Variants in DAPP1 observed in about 807,000 individuals in gnomAD.
DAPP1 encodes the protein dual adapter for phosphotyrosine and 3-phosphotyrosine and 3-phosphoinositide.
Under a neutral mutation model 41.5 loss-of-function variants are expected in DAPP1, and 20 were observed. The ratio of observed to expected loss-of-function variants is 0.48; its 90% confidence interval spans 0.34 to 0.70. The LOEUF is 0.70. Among genes scored for constraint, DAPP1 ranks in the 30% least tolerant of loss-of-function variants. The probability of loss-of-function intolerance (pLI) is 0.01; values close to 1 mark genes in which losing one functional copy is unlikely to be tolerated. For synonymous variants in DAPP1, 113 were observed against 116.2 expected (o/e 0.97, Z 0.18); for missense variants, 233 against 333.4 (o/e 0.70, Z 2.35).
At chr4:99,848,499 G>C (rs558409666) in intron 3 of DAPP1, among the ~76,000 whole-genome samples, 162 of 152,106 alleles carry the variant, frequency 1.1e-3, no homozygotes, top group Non-Finnish European at 2.0e-3. Flanking sequence ...AAAGTGCTGG[G>C]ATTACAGGCA....
chr4:99,872,077 A>G (rs989881890), downstream of DAPP1, among the ~76,000 whole-genome samples: 2 of 152,226 alleles, frequency 1.3e-5, no homozygotes, highest in Non-Finnish European at 2.9e-5. Flanking sequence ...TAGTTTCAGG[A>G]GTACATGTGA....
At chr4:99,839,103 G>A (rs976633424) in intron 2 of DAPP1, among the ~76,000 whole-genome samples, 1 of 152,130 alleles carries the variant, frequency 6.6e-6, no homozygotes, top group Admixed American at 6.5e-5. Context: ...CTGTTCTAAA[G>A]GTGTGGTCCC....
intron 1 of DAPP1, among the ~76,000 whole-genome samples, chr4:99,826,819 C>T (rs1175909031): frequency 2.6e-5 from 4 of 152,190 alleles, no homozygotes; most frequent in African/African-American, 7.2e-5. Flanking sequence ...ATCATTCTCC[C>T]GCTCCATGAA....
intron 1 of DAPP1, among the ~76,000 whole-genome samples, chr4:99,826,129 A>G (rs1722928434): frequency 6.6e-6 from 1 of 152,226 alleles, no homozygotes. Context: ...TCTTTGTTCT[A>G]TCACTGTTGT....
At position 99,816,863 on chromosome 4, in the gene DAPP1, G is replaced by T; in HGVS notation, c.-51G>T. 2 of 1,502,918 alleles carry T rather than the reference G, an allele frequency of 1.3e-6. No individual in the cohort carries two copies. The highest frequency in any genetic ancestry group is 2.4e-5 in the East Asian group (1 of 40,894). The allele number at this position is 1,502,918 out of a possible 1,614,324, so 93.1% of individuals were successfully genotyped here. On this transcript the variant is annotated 5_prime_UTR_variant, in exon 1 of 9. Transcript: ENST00000512369. Reference sequence around the variant, plus strand: ...CTGCTGTCTCACAGAGCGAGAAGGTGTCAGGAGCAGCCCAGTTGTGTCTCT... The same window carrying T: ...CTGCTGTCTCACAGAGCGAGAAGGTTTCAGGAGCAGCCCAGTTGTGTCTCT...
At chr4:99,825,180 C>T (rs140960927) in intron 1 of DAPP1, among the ~76,000 whole-genome samples, 15 of 152,168 alleles carry the variant, frequency 9.9e-5, no homozygotes, top group East Asian at 9.6e-4. Flanking sequence ...TGTGAGCTGG[C>T]GAGTCTATCT....
chr4:99,860,935 T>C (rs547678747), intron 4 of DAPP1, among the ~76,000 whole-genome samples: 118 of 152,334 alleles, frequency 7.7e-4, no homozygotes, highest in Non-Finnish European at 1.2e-3. Context: ...ATTTTTACGT[T>C]TGAATTAATG....
chr4:99,827,101 A>C (rs1722959478), intron 1 of DAPP1, among the ~76,000 whole-genome samples: 1 of 151,942 alleles, frequency 6.6e-6, no homozygotes, highest in Non-Finnish European at 1.5e-5. Flanking sequence ...TGCTCCTCAA[A>C]CTCTAAAGTG....
chr4:99,849,499 C>G (rs747409391), intron 3 of DAPP1, among the ~76,000 whole-genome samples: 1 of 152,166 alleles, frequency 6.6e-6, no homozygotes, highest in Admixed American at 6.5e-5. Flanking sequence ...GTTGGAAATG[C>G]ACACGTTGGA....
chr4:99,821,460 A>G (rs79140816), intron 1 of DAPP1, among the ~76,000 whole-genome samples: 1,750 of 152,338 alleles, frequency 0.011, 41 homozygotes, highest in African/African-American at 0.039. Context: ...AGTAATGGCA[A>G]TTAGTAATTA....
chr4:99,841,217 A>T lies in DAPP1; in HGVS notation c.358+795A>T, dbSNP rs144331394. Among the ~76,000 whole-genome samples, 13 of 152,328 alleles carry T rather than the reference A, an allele frequency of 8.5e-5. No homozygotes were observed. In the East Asian group the frequency reaches 2.1e-3, roughly 25 times the overall value. ...ACACAACCAGTTACCATGAGTTTGT[A>T]CATACGTGTTTTCTTGGCAAACTTG... On this transcript the variant is annotated intron_variant, in intron 3 of 8. Transcript: ENST00000512369.
At position 99,816,907 on chromosome 4, in the gene DAPP1, G is replaced by A. The variant is rs1722604063; in HGVS notation, c.-7G>A. On this transcript the variant is annotated 5_prime_UTR_variant, in exon 1 of 9. Transcript: ENST00000512369. ...TGTCTCTCTCTCTACCTCTGTGAAG[G>A]GCGCGAATGGGCAGAGCAGAACTTC... 2 of 1,602,428 alleles carry A rather than the reference G, an allele frequency of 1.2e-6. No homozygotes were observed. The highest frequency in any genetic ancestry group is 2.3e-5 in the East Asian group (1 of 44,270).
At chr4:99,856,054 C>A (rs1024428990) in intron 4 of DAPP1, among the ~76,000 whole-genome samples, 2 of 152,118 alleles carry the variant, frequency 1.3e-5, no homozygotes, top group Non-Finnish European at 2.9e-5. Context: ...CATTGAGTTC[C>A]CATGATAGGA....
At chr4:99,870,648 C>T (rs767652), downstream of DAPP1, among the ~76,000 whole-genome samples, 10,844 of 152,162 alleles carry the variant, frequency 0.071, 470 homozygotes, top group Middle Eastern at 0.12. Flanking sequence ...TTTGTGCCAA[C>T]GGCAGATCAG....
intron 2 of DAPP1, among the ~76,000 whole-genome samples, chr4:99,837,267 G>T (rs58699064): frequency 0.045 from 6,906 of 152,212 alleles, 313 homozygotes; most frequent in East Asian, 0.24. Flanking sequence ...ACTAGTTTTT[G>T]ATTGAATAAT....
intron 1 of DAPP1, among the ~76,000 whole-genome samples, chr4:99,824,529 AT>A (rs558955651): frequency 6.6e-6 from 1 of 151,970 alleles, no homozygotes; most frequent in East Asian, 1.9e-4. Flanking sequence ...ATCTGCCTGT[AT>A]TTTTTTTACA....
At chr4:99,848,526 G>T (rs1267751232) in intron 3 of DAPP1, among the ~76,000 whole-genome samples, 2 of 152,166 alleles carry the variant, frequency 1.3e-5, no homozygotes, top group East Asian at 3.8e-4. Context: ...ACCGCGCCCT[G>T]CCCAGGAGCA....
At chr4:99,830,764 TTC>T (rs924587543) in intron 1 of DAPP1, among the ~76,000 whole-genome samples, 1 of 151,280 alleles carries the variant, frequency 6.6e-6, no homozygotes, top group Non-Finnish European at 1.5e-5. Flanking sequence ...AACTCTCTCT[TTC>T]TCTCTCTCTC....
intron 1 of DAPP1, among the ~76,000 whole-genome samples, chr4:99,829,153 A>G (rs997316890): frequency 8.5e-5 from 13 of 152,172 alleles, no homozygotes; most frequent in African/African-American, 2.9e-4. Context: ...AAAAATTTAT[A>G]AAAGAAGAAA....
Sources: gnomAD v4.1 joint callset for allele counts (sites outside exome capture counted in the v4.1 genomes callset) on GRCh38, gnomAD v4.1.1 for gene constraint, MANE v1.5 for transcripts, NCBI Gene and HGNC (gene_info 2026-07-23, HGNC 2026-07-21) for gene names.